Variants in THSD7A observed in about 807,000 individuals in gnomAD.
THSD7A encodes thrombospondin type 1 domain containing 7A.
A neutral mutation model predicts 231.3 loss-of-function variants in THSD7A; 96 were observed. The ratio of observed to expected loss-of-function variants is 0.41; its 90% CI spans 0.35 to 0.49. The LOEUF (loss-of-function observed/expected upper bound fraction) is 0.49, where lower values mean the gene tolerates loss of function less well. THSD7A is among the 20% of genes least tolerant of loss of function. The pLI is 0.05. For synonymous variants in THSD7A, 940 were observed against 743.3 expected (o/e 1.26, Z -4.30); for missense variants, 2,290 against 2,070.2 (o/e 1.11, Z -2.06).
chr7:11,696,483 A>C (rs983941084), intron 1 of THSD7A, among the ~76,000 whole-genome samples: 3 of 151,366 alleles, frequency 2.0e-5, no homozygotes, highest in African/African-American at 7.3e-5. Flanking sequence ...GGTTTGTTGC[A>C]TAGGTATACA....
intron 2 of THSD7A, among the ~76,000 whole-genome samples, chr7:11,604,105 T>G (rs950792207): frequency 6.6e-6 from 1 of 152,142 alleles, no homozygotes; most frequent in South Asian, 2.1e-4. Flanking sequence ...ATATTAGTGC[T>G]TACTATGTGC....
At position 11,627,858 on chromosome 7, in the gene THSD7A, T is replaced by C. The variant is rs1346183634; in HGVS notation, c.1022+8272A>G. Among the ~76,000 whole-genome samples the C allele has an allele frequency of 6.6e-5, 10 of 152,186 alleles. No individual in the cohort carries two copies. The East Asian group carries it at 1.9e-3, about 29-fold the overall frequency. ...AATACCTTTGGTAGGAGTAAGAAAA[T>C]GTATGCGCTCCCCTTTAACTGATTG... is the stretch of plus-strand genomic sequence containing the variant. On this transcript the variant is annotated intron_variant, in intron 2 of 27. Transcript: ENST00000423059.
chr7:11,771,925 C>G (rs1374146683), intron 1 of THSD7A, among the ~76,000 whole-genome samples: 1 of 152,174 alleles, frequency 6.6e-6, no homozygotes, highest in African/African-American at 2.4e-5. Flanking sequence ...TGCTCCTACT[C>G]TGGCCGTGTG....
rs1783073233 is a variant in THSD7A, at chr7:11,767,710, T to C, written c.190+64047A>G. Among the ~76,000 whole-genome samples, 3 of 152,160 alleles carry C rather than the reference T, an allele frequency of 2.0e-5. 1 individual carries two copies. Among genetic ancestry groups the C allele is most frequent in the South Asian group, 4.1e-4 (2 of 4,834 alleles). ...ACCTAGAAGAGTTGCTGGCATATAA[T>C]TGGTCCTTAATTAATTCTTGTTGAA... is the stretch of plus-strand genomic sequence containing the variant. On this transcript the variant is annotated intron_variant, in intron 1 of 27. Coordinates refer to ENST00000423059, the MANE Select transcript of THSD7A (RefSeq NM_015204.3).
chr7:11,716,881 C>A (rs1781155097), intron 1 of THSD7A, among the ~76,000 whole-genome samples: 1 of 151,496 alleles, frequency 6.6e-6, no homozygotes, highest in Non-Finnish European at 1.5e-5. Flanking sequence ...AAGACAATTA[C>A]AAAAACACAG....
At chr7:11,777,854 A>C (rs1377342111) in intron 1 of THSD7A, among the ~76,000 whole-genome samples, 1 of 152,118 alleles carries the variant, frequency 6.6e-6, no homozygotes, top group African/African-American at 2.4e-5. Flanking sequence ...CTGCTTCTAC[A>C]GAAAGAAAGC....
At chr7:11,584,788 C>T (rs937263275) in intron 4 of THSD7A, among the ~76,000 whole-genome samples, 1 of 152,156 alleles carries the variant, frequency 6.6e-6, no homozygotes, top group Non-Finnish European at 1.5e-5. Context: ...AATCTTGACT[C>T]ATGTCATTTG....
intron 1 of THSD7A, among the ~76,000 whole-genome samples, chr7:11,654,142 T>A (rs2128369975): frequency 1.3e-5 from 2 of 152,070 alleles, no homozygotes; most frequent in Non-Finnish European, 2.9e-5. Flanking sequence ...GTATAGTTTC[T>A]GGGACCTTGA....
chr7:11,547,936 T>C (rs1483988198), intron 4 of THSD7A, among the ~76,000 whole-genome samples: 1 of 151,936 alleles, frequency 6.6e-6, no homozygotes, highest in Admixed American at 6.6e-5. Flanking sequence ...CAACATGAAA[T>C]CACACTTAGA....
chr7:11,530,387 C>G lies in THSD7A; in HGVS notation c.1822+11032G>C, dbSNP rs535041894. 2.6e-5 allele frequency among the ~76,000 whole-genome samples: 4 copies of G among 152,148 alleles called. No homozygotes were observed. In the East Asian group the frequency reaches 5.8e-4, roughly 22 times the overall value. ...CTTGAGGAGAAATTAAGAGTCATTT[C>G]TTGAAAATATGTGATGTTTAGGGAT... On this transcript the variant is annotated intron_variant, in intron 6 of 27. Coordinates refer to ENST00000423059, the MANE Select transcript of THSD7A (RefSeq NM_015204.3).
intron 23 of THSD7A, among the ~76,000 whole-genome samples, chr7:11,383,369 A>G (rs1054134287): frequency 6.6e-6 from 1 of 152,010 alleles, no homozygotes; most frequent in Non-Finnish European, 1.5e-5. Flanking sequence ...CTATTTTTCT[A>G]TTAGATTATT....
intron 17 of THSD7A, among the ~76,000 whole-genome samples, chr7:11,413,426 A>G (rs1020684469): frequency 9.9e-5 from 15 of 152,096 alleles, no homozygotes; most frequent in African/African-American, 3.6e-4. Context: ...ATACAGAAAC[A>G]AGCCCTTTGG....
intron 1 of THSD7A, chr7:11,820,815 G>T: frequency 3.0e-6 from 3 of 1,016,162 alleles, no homozygotes; most frequent in South Asian, 1.3e-5. Flanking sequence ...CTCGCTCTCC[G>T]GTGCTTCTTC....
At chr7:11,740,311 G>C (rs1344983127) in intron 1 of THSD7A, among the ~76,000 whole-genome samples, 1 of 151,912 alleles carries the variant, frequency 6.6e-6, no homozygotes, top group South Asian at 2.1e-4. Context: ...CATATCTGAC[G>C]AGGTACATGA....
intron 1 of THSD7A, among the ~76,000 whole-genome samples, chr7:11,672,133 A>G (rs988487526): frequency 6.6e-6 from 1 of 152,140 alleles, no homozygotes; most frequent in African/African-American, 2.4e-5. Flanking sequence ...ACAACTTTGA[A>G]GCTGTGCTCA....
intron 4 of THSD7A, among the ~76,000 whole-genome samples, chr7:11,550,786 C>A (rs1003722936): frequency 2.0e-4 from 31 of 152,096 alleles, no homozygotes; most frequent in African/African-American, 7.2e-4. Context: ...AAACAATTTA[C>A]AGATCCAGTT....
intron 7 of THSD7A, 30 bp downstream of exon 7, chr7:11,481,758 C>T (rs749796729): frequency 6.4e-7 from 1 of 1,561,402 alleles, no homozygotes; most frequent in Non-Finnish European, 8.7e-7. Flanking sequence ...TTGAAACGAA[C>T]CTAGATGGCG....
intron 2 of THSD7A, among the ~76,000 whole-genome samples, chr7:11,631,212 AG>A (rs149221803): frequency 0.012 from 1,778 of 152,262 alleles, 28 homozygotes; most frequent in African/African-American, 0.041. Flanking sequence ...TTCATGCTTC[AG>A]GTTCTAGCTT....
chr7:11,687,566 C>A (rs967933136), intron 1 of THSD7A, among the ~76,000 whole-genome samples: 7 of 151,844 alleles, frequency 4.6e-5, no homozygotes, highest in African/African-American at 1.7e-4. Context: ...GAAGGGAAAT[C>A]AGGATAATAT....
Sources: allele counts gnomAD v4.1 joint callset (sites outside exome capture counted in the v4.1 genomes callset), GRCh38; gene constraint gnomAD v4.1.1; transcripts MANE v1.5; gene names NCBI Gene and HGNC (gene_info 2026-07-23, HGNC 2026-07-21).